The following GAK variants were observed in gnomAD, a reference collection of about 807,000 sequenced individuals.
GAK encodes the protein cyclin-G-associated kinase.
GAK carries 79 observed loss-of-function variants against 143.9 expected under a neutral mutation model. That is an observed-to-expected ratio of 0.55 (90% CI 0.46 to 0.66). The LOEUF (loss-of-function observed/expected upper bound fraction) is 0.66. Among genes scored for constraint, GAK ranks in the 30% least tolerant of loss-of-function variants. GAK has a pLI of 0.00. For synonymous variants in GAK, 881 were observed against 765.5 expected, an observed-to-expected ratio of 1.15 and a Z score of -2.49; for missense variants, 1,693 against 1,779.7, an observed-to-expected ratio of 0.95 and a Z score of 0.88.
chr4:898,766 G>A (rs1224840903), intron 5 of GAK, among the ~76,000 whole-genome samples: 1 of 152,222 alleles, frequency 6.6e-6, no homozygotes, highest in Non-Finnish European at 1.5e-5. Context: ...AGGAGGCTGA[G>A]GCAGGAGAAT....
At chr4:903,318 G>A (rs577622597) in intron 5 of GAK, among the ~76,000 whole-genome samples, 8 of 152,354 alleles carry the variant, frequency 5.3e-5, no homozygotes, top group South Asian at 2.1e-4. Context: ...CAGGAGAGAT[G>A]GGCAGGAGAG....
At chr4:883,485 C>T in intron 12 of GAK, 22 bp from the exon 13 acceptor site, 1 of 1,612,264 alleles carries the variant, frequency 6.2e-7, no homozygotes, top group East Asian at 2.2e-5. Flanking sequence ...AGACCTGCGT[C>T]AGCACCTGGG....
At chr4:876,669 A>G in intron 17 of GAK, 60 bp from the exon 18 acceptor site, 1 of 1,494,626 alleles carries the variant, frequency 6.7e-7, no homozygotes, top group Non-Finnish European at 9.3e-7. Context: ...CTGGGGCCAC[A>G]GGCCAATTTT....
intron 5 of GAK, among the ~76,000 whole-genome samples, chr4:902,248 A>G (rs375743488): frequency 6.6e-6 from 1 of 151,600 alleles, no homozygotes; most frequent in Non-Finnish European, 1.5e-5. Flanking sequence ...AAAAAAAAAA[A>G]AAACAGAAAT....
At chr4:903,944 G>A (rs1720548527) in intron 5 of GAK, among the ~76,000 whole-genome samples, 1 of 152,268 alleles carries the variant, frequency 6.6e-6, no homozygotes, top group South Asian at 2.1e-4. Flanking sequence ...AGGCCTGTGA[G>A]ACAGATGCTA....
At position 866,987 on chromosome 4, in the gene GAK, C is replaced by A; in HGVS notation, c.2841G>T (p.Gln947His). The change falls in exon 21 of 28, where the codon CAG becomes CAT. Residue 947 changes from glutamine (Q) to histidine (H), a missense_variant. Around this residue, in one of 2 missense-constraint regions of GAK, gnomAD observed 822 missense variants for 788.7 expected, o/e 1.04. Coordinates refer to ENST00000314167, the MANE Select transcript of GAK (RefSeq NM_005255.4). Reference sequence around the variant, plus strand: ...CAGGGGGCCCTCCTCTTGGGGTGCTCTGCACGCTCAGGGGAGGGGCCGGGC... The same window carrying A: ...CAGGGGGCCCTCCTCTTGGGGTGCTATGCACGCTCAGGGGAGGGGCCGGGC... ...LASPAPPLSV[Q>H]STPRGGPPAA... 6.7e-7 allele frequency: 1 copy of A among 1,498,562 alleles called. No individual in the cohort carries two copies. The highest frequency in any genetic ancestry group is 8.9e-7 in the Non-Finnish European group (1 of 1,124,180). 92.8% of individuals were successfully genotyped at this position (1,498,562 alleles called of 1,614,324 possible).
chr4:903,600 G>A (rs1285118761), intron 5 of GAK, among the ~76,000 whole-genome samples: 3 of 150,260 alleles, frequency 2.0e-5, no homozygotes, highest in African/African-American at 2.5e-5. Context: ...AGGAAGGAGC[G>A]TGGGATGAGC....
chr4:884,250 C>A, intron 11 of GAK, 164 bp from the exon 12 acceptor site: 1 of 609,996 alleles, frequency 1.6e-6, no homozygotes, highest in Non-Finnish European at 2.9e-6. Context: ...GGCAGCTTCC[C>A]GGCTGTGTGC....
intron 4 of GAK, among the ~76,000 whole-genome samples, chr4:909,325 G>C (rs1471235860): frequency 1.3e-5 from 2 of 152,274 alleles, no homozygotes; most frequent in Non-Finnish European, 2.9e-5. Context: ...GCGCAGGAGC[G>C]GGTGTCAGAG....
At chr4:903,960 C>T (rs1323731430) in intron 5 of GAK, among the ~76,000 whole-genome samples, 1 of 152,262 alleles carries the variant, frequency 6.6e-6, no homozygotes, top group East Asian at 1.9e-4. Flanking sequence ...TGCTAATTTT[C>T]TTCAGGGCTG....
Position 893,466 on chromosome 4 carries a change from C to T in GAK, c.901G>A (p.Glu301Lys), listed in dbSNP as rs1433250555. 10 of 1,580,758 alleles carry T rather than the reference C, an allele frequency of 6.3e-6. No homozygotes were observed. Among genetic ancestry groups the T allele is most frequent in the African/African-American group, 5.4e-5 (4 of 73,556 alleles). ...LIRAMLQVNP[E>K]ERLSIAEVVH... is the part of the protein sequence containing the mutation. The stretch of plus-strand genomic sequence containing the variant: ...ACCTCGGCGATGGACAGCCGCTCCT[C>T]CGGGTTCACCTGCAGCATGGCGCCT... Residue 301 changes from glutamate (E) to lysine (K), a missense_variant, in exon 9 of 28, where the codon GAG becomes AAG. Transcript: ENST00000314167.
intron 9 of GAK, among the ~76,000 whole-genome samples, chr4:891,815 G>A (rs1049062883): frequency 2.0e-5 from 3 of 152,198 alleles, no homozygotes; most frequent in African/African-American, 7.2e-5. Context: ...CTGCTAAAGA[G>A]CAGGACGGCC....
At position 876,324 on chromosome 4, in the gene GAK, G is replaced by C. The variant is rs555713215; in HGVS notation, c.2054+206C>G. Among the ~76,000 whole-genome samples, 10 of 151,856 alleles carry C rather than the reference G, an allele frequency of 6.6e-5. No individual in the cohort carries two copies. In the East Asian group the frequency reaches 1.8e-3, roughly 27 times the overall value. ...AATTCTAACAGACACACACACCAAC[G>C]GGGGGGCAGAGCAGCAGCCACCGGG... On this transcript the variant is annotated intron_variant, in intron 18 of 27. Coordinates refer to ENST00000314167, the MANE Select transcript of GAK (RefSeq NM_005255.4).
chr4:907,487 C>CT (rs1320177442), intron 4 of GAK, among the ~76,000 whole-genome samples: 1 of 152,260 alleles, frequency 6.6e-6, no homozygotes, highest in Non-Finnish European at 1.5e-5. Context: ...GACTTGCCCT[C>CT]TACGCTGGCC....
At chr4:876,696 C>A (rs571275924) in intron 17 of GAK, 87 bp from the exon 18 acceptor site, 1 of 1,141,522 alleles carries the variant, frequency 8.8e-7, no homozygotes, top group Non-Finnish European at 1.3e-6. Context: ...TGGGCGAGAT[C>A]TGAGAGCGGC....
intron 12 of GAK, 83 bp downstream of exon 12, chr4:883,954 T>A: frequency 3.0e-6 from 4 of 1,327,924 alleles, no homozygotes; most frequent in South Asian, 1.2e-5. Flanking sequence ...CAGAGGCACC[T>A]GTGCCCTGAC....
rs919423584 is a variant in GAK at position 928,100 on chromosome 4, C to G, written c.145+3943G>C. ...TGAGATAGAGTCTCGCTCTGTCGTCCAGGCTGGAGTGCAGTGGTGCAATCT... is the reference window on the plus strand; with the variant it reads ...TGAGATAGAGTCTCGCTCTGTCGTCGAGGCTGGAGTGCAGTGGTGCAATCT... On this transcript the variant is annotated intron_variant, in intron 1 of 27. Coordinates refer to ENST00000314167, the MANE Select transcript of GAK (RefSeq NM_005255.4). Among the ~76,000 whole-genome samples the G allele has an allele frequency of 7.2e-5, 11 of 152,348 alleles. No homozygotes were observed. In the South Asian group the frequency reaches 2.3e-3, roughly 32 times the overall value.
chr4:881,870 C>G, intron 15 of GAK, 37 bp downstream of exon 15: 1 of 1,538,270 alleles, frequency 6.5e-7, no homozygotes, highest in Admixed American at 1.9e-5. Context: ...CACGGGCCCA[C>G]AGAGCTGTCC....
chr4:857,893 G>T lies in GAK; in HGVS notation c.3283+1713C>A, dbSNP rs577797550. 1.1e-4 allele frequency among the ~76,000 whole-genome samples: 17 copies of T among 152,324 alleles called. No individual in the cohort carries two copies. The South Asian group carries it at 2.9e-3, about 26-fold the overall frequency. On this transcript the variant is annotated intron_variant, in intron 24 of 27. Coordinates refer to ENST00000314167, the MANE Select transcript of GAK (RefSeq NM_005255.4). ...TTTTCCACAGCAAGCCCCCACGGCT[G>T]CGGGTGTCTCCACACTGCCTGATGG... is the stretch of plus-strand genomic sequence containing the variant.
Sources: gnomAD v4.1 joint callset for allele counts (sites outside exome capture counted in the v4.1 genomes callset) on GRCh38, gnomAD v4.1.1 for gene constraint, gnomAD v4.1.1 regional missense constraint, MANE v1.5 for transcripts, NCBI Gene and HGNC (gene_info 2026-07-23, HGNC 2026-07-21) for gene names.